Variants in CRADD observed in about 807,000 individuals in gnomAD.
The protein encoded by CRADD is death domain-containing protein CRADD.
Under a neutral mutation model 15.5 loss-of-function variants are expected in CRADD, and 9 were observed. The observed-to-expected ratio is 0.58, with a 90% confidence interval of 0.35 to 1.01. The LOEUF (loss-of-function observed/expected upper bound fraction) is 1.01, where lower values mean the gene tolerates loss of function less well. Ranked by LOEUF, CRADD falls within the 50% of genes least tolerant of loss-of-function variation. CRADD has a pLI of 0.02. For missense variants in CRADD, 227 were observed against 250.3 expected (o/e 0.91, Z 0.63); for synonymous variants, 118 against 107.6 (o/e 1.10, Z -0.60).
chr12:93,819,513 G>T (rs1452901909), intron 2 of CRADD, among the ~76,000 whole-genome samples: 1 of 152,236 alleles, frequency 6.6e-6, no homozygotes, highest in Non-Finnish European at 1.5e-5. Flanking sequence ...TCTCTGGCCT[G>T]TTCACACAAG....
chr12:93,678,720 G>C (rs1955212997), intron 1 of CRADD, 49 bp from the exon 2 acceptor site: 1 of 1,570,138 alleles, frequency 6.4e-7, no homozygotes, highest in Non-Finnish European at 8.6e-7. Context: ...TGTCTTTAGG[G>C]CCACATCAAC....
At chr12:93,695,736 C>T (rs1368020307) in intron 2 of CRADD, among the ~76,000 whole-genome samples, 3 of 152,176 alleles carry the variant, frequency 2.0e-5, no homozygotes, top group Non-Finnish European at 4.4e-5. Context: ...AACCCTGTCT[C>T]TACTAATAAT....
chr12:93,834,212 T>C (rs1471971965), intron 2 of CRADD, among the ~76,000 whole-genome samples: 1 of 152,206 alleles, frequency 6.6e-6, no homozygotes. Flanking sequence ...GGGACTTGTT[T>C]TTAACCATAG....
intron 2 of CRADD, among the ~76,000 whole-genome samples, chr12:93,684,111 G>A (rs1174850844): frequency 6.6e-6 from 1 of 152,112 alleles, no homozygotes; most frequent in African/African-American, 2.4e-5. Flanking sequence ...CCAGGTACTG[G>A]GTATATAAAG....
At chr12:93,873,350 CA>C (rs1958435965) in intron 2 of CRADD, among the ~76,000 whole-genome samples, 1 of 152,096 alleles carries the variant, frequency 6.6e-6, no homozygotes, top group African/African-American at 2.4e-5. Flanking sequence ...CTGTTATCTG[CA>C]AACAAGGATA....
At chr12:93,847,282 A>T (rs913307780) in intron 2 of CRADD, among the ~76,000 whole-genome samples, 3 of 152,026 alleles carry the variant, frequency 2.0e-5, no homozygotes, top group African/African-American at 7.2e-5. Flanking sequence ...TAAAGTACGA[A>T]CAAGGTCTAC....
chr12:93,788,337 A>G (rs2136981314), intron 2 of CRADD, among the ~76,000 whole-genome samples: 1 of 152,272 alleles, frequency 6.6e-6, no homozygotes, highest in East Asian at 1.9e-4. Flanking sequence ...AACAGGATGG[A>G]GGAAACCATC....
At chr12:93,796,988 C>T (rs1177997332) in intron 2 of CRADD, among the ~76,000 whole-genome samples, 2 of 152,216 alleles carry the variant, frequency 1.3e-5, no homozygotes, top group East Asian at 3.8e-4. Flanking sequence ...CTGCTTCCTC[C>T]ACTGGGACCA....
intron 2 of CRADD, among the ~76,000 whole-genome samples, chr12:93,788,693 C>G (rs1298942202): frequency 1.3e-5 from 2 of 152,148 alleles, no homozygotes; most frequent in Non-Finnish European, 2.9e-5. Context: ...GTCATAGAAA[C>G]AGCAATGGCA....
At chr12:93,688,197 T>C (rs566090786) in intron 2 of CRADD, among the ~76,000 whole-genome samples, 2 of 152,216 alleles carry the variant, frequency 1.3e-5, no homozygotes, top group African/African-American at 2.4e-5. Flanking sequence ...ATGGTCTTTA[T>C]TCATAATTAA....
At chr12:93,680,815 T>A (rs1955270256) in intron 2 of CRADD, among the ~76,000 whole-genome samples, 1 of 152,192 alleles carries the variant, frequency 6.6e-6, no homozygotes, top group African/African-American at 2.4e-5. Context: ...ATCAAAATAC[T>A]GAATTTAATT....
chr12:93,799,936 G>GT (rs1957459076), intron 2 of CRADD, among the ~76,000 whole-genome samples: 1 of 152,152 alleles, frequency 6.6e-6, no homozygotes, highest in African/African-American at 2.4e-5. Context: ...AGAAAATGTG[G>GT]TAAGTGTACC....
In CRADD at chr12:93,713,991, G is replaced by A. The variant is rs775238935; in HGVS notation, c.298+34919G>A. Among the ~76,000 whole-genome samples the A allele has an allele frequency of 8.5e-5, 13 of 152,284 alleles. No homozygotes were observed. The South Asian group carries it at 1.9e-3, about 22-fold the overall frequency. ...CTGGTGGATATCACTGTGCAGATGA[G>A]GTGATATGACAGCTGCCTTCAGCTC... On this transcript the variant is annotated intron_variant, in intron 2 of 2. Transcript: ENST00000332896.
intron 2 of CRADD, among the ~76,000 whole-genome samples, chr12:93,737,318 TA>T (rs1445201883): frequency 6.6e-6 from 1 of 152,126 alleles, no homozygotes; most frequent in Non-Finnish European, 1.5e-5. Context: ...AAAATAAAAA[TA>T]AAACATTCAC....
At chr12:93,773,751 A>G (rs1957110156) in intron 2 of CRADD, among the ~76,000 whole-genome samples, 1 of 149,152 alleles carries the variant, frequency 6.7e-6, no homozygotes, top group South Asian at 2.2e-4. Context: ...GGCTGGAGGT[A>G]GGGCACATTG....
chr12:93,894,224 T>C (rs915280198), exon 3 of CRADD: 1 of 644,384 alleles, frequency 1.6e-6, no homozygotes. Flanking sequence ...CATTTGACAA[T>C]GTCTGGAGGC....
chr12:93,796,871 G>A (rs752705031), intron 2 of CRADD, among the ~76,000 whole-genome samples: 4 of 152,096 alleles, frequency 2.6e-5, no homozygotes, highest in Non-Finnish European at 5.9e-5. Context: ...TTCTGCCCTT[G>A]TCAGTGTCTC....
chr12:93,737,234 T>C (rs926494859), intron 2 of CRADD, among the ~76,000 whole-genome samples: 1 of 152,222 alleles, frequency 6.6e-6, no homozygotes, highest in Non-Finnish European at 1.5e-5. Flanking sequence ...TATTACTATA[T>C]TGCAAGTATG....
At chr12:93,826,001 T>TA (rs1957819486) in intron 2 of CRADD, among the ~76,000 whole-genome samples, 1 of 152,250 alleles carries the variant, frequency 6.6e-6, no homozygotes, top group Non-Finnish European at 1.5e-5. Context: ...CTCTTCTACC[T>TA]ATAAAGTACA....
Sources: gnomAD v4.1 joint callset for allele counts (sites outside exome capture counted in the v4.1 genomes callset) on GRCh38, gnomAD v4.1.1 for gene constraint, MANE v1.5 for transcripts, NCBI Gene and HGNC (gene_info 2026-07-23, HGNC 2026-07-21) for gene names.